Variants in SLC17A7 observed in about 807,000 individuals in gnomAD.
The protein encoded by SLC17A7 is vesicular glutamate transporter 1.
In SLC17A7, 15 loss-of-function variants were observed where a neutral mutation model predicts 59.1. The ratio of observed to expected loss-of-function variants is 0.25; its 90% CI spans 0.17 to 0.39. The LOEUF is 0.39. Among genes scored for constraint, SLC17A7 ranks in the 10% least tolerant of loss-of-function variants. SLC17A7 has a pLI of 1.00. For synonymous variants in SLC17A7, 353 were observed against 308.9 expected, an observed-to-expected ratio of 1.14 and a Z score of -1.50; for missense variants, 499 against 765.1, an observed-to-expected ratio of 0.65 and a Z score of 4.10.
At chr19:49,435,532 T>C in intron 2 of SLC17A7, 1 of 411,174 alleles carries the variant, frequency 2.4e-6, no homozygotes. Flanking sequence ...CGCCTTGCTT[T>C]GCCTGCTTCC....
Position 49,433,668 on chromosome 19 carries a change from T to C in SLC17A7, c.867+58A>G, listed in dbSNP as rs761532832. On this transcript the variant is annotated intron_variant, in intron 7 of 11. Transcript: ENST00000221485. This position sits in a 1 kb window ranked among gnomAD's most constrained non-coding sequence, Gnocchi z 5.7. Reference sequence around the variant, plus strand: ...GGAACCGTCCCTGATCTACACGCTGTGCAGGTTCGTGGCTTGCTATCTCTC... The same window carrying C: ...GGAACCGTCCCTGATCTACACGCTGCGCAGGTTCGTGGCTTGCTATCTCTC... 12 of 1,610,492 alleles carry C rather than the reference T, an allele frequency of 7.5e-6. No homozygotes were observed. The South Asian group carries it at 9.9e-5, about 13-fold the overall frequency.
chr19:49,440,707 GAC>G (rs1358524693), intron 1 of SLC17A7, among the ~76,000 whole-genome samples: 2 of 152,212 alleles, frequency 1.3e-5, no homozygotes, highest in Non-Finnish European at 2.9e-5. Flanking sequence ...AACGGAAAAA[GAC>G]ACAGAGAGAC....
Position 49,430,632 on chromosome 19 carries a change from T to C in SLC17A7, c.1570A>G (p.Met524Val). The change falls in exon 12 of 12, where the codon ATG becomes GTG. Residue 524 changes from methionine to valine, a missense_variant. By Grantham distance (21) the Met-to-Val change is conservative. This residue lies in a region of SLC17A7 where 98 missense variants were observed against 77.5 expected (regional missense o/e 1.27). Transcript: ENST00000221485. ...CCCGGGGGCTCAGCCTCATCCTCCATTTCGCTGTCGTCACTGCCAGCCAGC... is the reference window on the plus strand; with the variant it reads ...CCCGGGGGCTCAGCCTCATCCTCCACTTCGCTGTCGTCACTGCCAGCCAGC... The part of the protein sequence containing the change: ...DQLAGSDDSE[M>V]EDEAEPPGAP... 1.2e-6 allele frequency: 2 copies of C among 1,614,090 alleles called. No homozygotes were observed. Among genetic ancestry groups the C allele is most frequent in the East Asian group, 2.2e-5 (1 of 44,876 alleles).
In SLC17A7 at chr19:49,441,305, C is replaced by A; in HGVS notation, c.62+13G>T. ...TCCTCCCACTCTTCTCCCGGGACCC[C>A]CGCCAGGCTCACCGGTGCAGCTTCC... is the stretch of plus-strand genomic sequence containing the variant. On this transcript the variant is annotated intron_variant, in intron 1 of 11. Transcript: ENST00000221485. 2 of 1,608,922 alleles carry A rather than the reference C, an allele frequency of 1.2e-6. No homozygotes were observed.
In SLC17A7 at chr19:49,434,024, G is replaced by A. The variant is rs1158469796; in HGVS notation, c.660C>T (p.Val220=). The A allele has an allele frequency of 1.1e-5, 17 of 1,613,114 alleles. No homozygotes were observed. The highest frequency in any genetic ancestry group is 1.7e-4 in the Middle Eastern group (1 of 6,058). The change falls in exon 6 of 12, where the codon GTC becomes GTT. Residue 220 remains valine (V), a synonymous_variant. Transcript: ENST00000221485. ...CAAGGACCCCGGCGAGGGGCATCGC[G>A]ACCACCGCCCCAGCATAGGAACCTA... ...AFCGSYAGAV[V]AMPLAGVLVQ... is the part of the protein sequence containing the mutation.
Position 49,433,712 on chromosome 19 carries a change from A to C in SLC17A7, c.867+14T>G. The C allele has an allele frequency of 6.2e-7, 1 of 1,613,902 alleles. No homozygotes were observed. Among genetic ancestry groups the C allele is most frequent in the African/African-American group, 1.3e-5 (1 of 74,940 alleles). ...ATCTCTCCCCGCCCCTTCCCCGAAGATTTGGTCCCGGACCGTGAGGGGGTT... is the reference window on the plus strand; with the variant it reads ...ATCTCTCCCCGCCCCTTCCCCGAAGCTTTGGTCCCGGACCGTGAGGGGGTT... On this transcript the variant is annotated intron_variant, in intron 7 of 11. Coordinates refer to ENST00000221485, the MANE Select transcript of SLC17A7 (RefSeq NM_020309.4). The surrounding 1 kb of genome is among the most constrained non-coding windows in gnomAD (Gnocchi z 5.7).
chr19:49,441,068 G>C (rs1025413364), intron 1 of SLC17A7, among the ~76,000 whole-genome samples: 12 of 151,852 alleles, frequency 7.9e-5, no homozygotes, highest in African/African-American at 2.9e-4. Flanking sequence ...CCAGAGACCC[G>C]GGAGAGAGGC....
In SLC17A7 at chr19:49,436,774, C is replaced by T. The variant is rs1308427117; in HGVS notation, c.90G>A (p.Ala30=). The T allele has an allele frequency of 6.2e-7, 1 of 1,604,706 alleles. No individual in the cohort carries two copies. The highest frequency in any genetic ancestry group is 8.5e-7 in the Non-Finnish European group (1 of 1,179,762). Reference sequence around the variant, plus strand: ...CATCCGCACTCAGCTCCAGCGTCTCCGCGCCTTCCTGCCGCTTCTCCAGAA... The same window carrying T: ...CATCCGCACTCAGCTCCAGCGTCTCTGCGCCTTCCTGCCGCTTCTCCAGAA... The part of the protein sequence containing the change: ...HRLLEKRQEG[A]ETLELSADGR... Residue 30 remains alanine, a synonymous_variant, in exon 2 of 12, where the codon GCG becomes GCA. Coordinates refer to ENST00000221485, the MANE Select transcript of SLC17A7 (RefSeq NM_020309.4). The surrounding 1 kb of genome is among the most constrained non-coding windows in gnomAD (Gnocchi z 4.1).
Position 49,430,594 on chromosome 19 carries a change from T to C in SLC17A7, c.1608A>G (p.Ala536=), listed in dbSNP as rs1568633238. The change falls in exon 12 of 12, where the codon GCA becomes GCG. Residue 536 remains alanine, a synonymous_variant. Coordinates refer to ENST00000221485, the MANE Select transcript of SLC17A7 (RefSeq NM_020309.4). ...DEAEPPGAPP[A]PPPSYGATHS... is the part of the protein sequence containing the mutation. ...GTGTGGCCCCATAGGAGGGCGGGGGTGCAGGGGGTGCCCCCGGGGGCTCAG... is the reference window on the plus strand; with the variant it reads ...GTGTGGCCCCATAGGAGGGCGGGGGCGCAGGGGGTGCCCCCGGGGGCTCAG... 1.2e-6 allele frequency: 2 copies of C among 1,605,668 alleles called. No homozygotes were observed. Among genetic ancestry groups the C allele is most frequent in the African/African-American group, 1.4e-5 (1 of 73,764 alleles).
In SLC17A7 at chr19:49,429,412, A is replaced by G. The variant is rs2078949308; in HGVS notation, c.*1107T>C. 1.0e-5 allele frequency: 4 copies of G among 399,036 alleles called. No individual in the cohort carries two copies. Among genetic ancestry groups the G allele is most frequent in the Non-Finnish European group, 1.3e-5 (3 of 226,170 alleles). The allele number at this position is 399,036 out of a possible 1,614,324, so 24.7% of individuals were successfully genotyped here. A position where few individuals can be genotyped will look rare whatever the true frequency, so the allele number is the denominator to read the frequency against. On this transcript the variant is annotated 3_prime_UTR_variant, in exon 12 of 12. Coordinates refer to ENST00000221485, the MANE Select transcript of SLC17A7 (RefSeq NM_020309.4). ...CCAAGAACAACTGAGCCTATACACC[A>G]AAGCTTTTATTGGGAGTGGGGCAGG...
chr19:49,435,524 C>T (rs2078976819), intron 2 of SLC17A7: 1 of 418,534 alleles, frequency 2.4e-6, no homozygotes, highest in Non-Finnish European at 4.3e-6. Flanking sequence ...CACCTAGACG[C>T]CTTGCTTTGC....
chr19:49,435,726 G>C (rs1372213654), intron 2 of SLC17A7: 5 of 159,072 alleles, frequency 3.1e-5, no homozygotes, highest in Admixed American at 6.2e-5. Context: ...GCACAAATCA[G>C]GACTCTTTTC....
Position 49,436,972 on chromosome 19 carries a change from A to G in SLC17A7, c.63-171T>C, listed in dbSNP as rs1600988386. Reference sequence around the variant, plus strand: ...GCTCCCTTCGCCCCCCTGATCCAGAAATCCTCCATCTCCCTCAGACCGGGA... The same window carrying G: ...GCTCCCTTCGCCCCCCTGATCCAGAGATCCTCCATCTCCCTCAGACCGGGA... On this transcript the variant is annotated intron_variant, in intron 1 of 11. Transcript: ENST00000221485. The surrounding 1 kb of genome is among the most constrained non-coding windows in gnomAD (Gnocchi z 4.1). The G allele has an allele frequency of 3.3e-6, 3 of 908,544 alleles. No homozygotes were observed. In the East Asian group the frequency reaches 8.2e-5, roughly 25 times the overall value. 56.3% of individuals were successfully genotyped at this position (908,544 alleles called of 1,614,324 possible). A position where few individuals can be genotyped will look rare whatever the true frequency, so the allele number is the denominator to read the frequency against.
rs754996722 is a variant in SLC17A7 at position 49,430,600 on chromosome 19, G to A, written c.1602C>T (p.Pro534=). 7.4e-6 allele frequency: 12 copies of A among 1,613,168 alleles called. No homozygotes were observed. In the South Asian group the frequency reaches 8.8e-5, roughly 12 times the overall value. The change falls in exon 12 of 12, where the codon CCC becomes CCT. Residue 534 remains proline, a synonymous_variant. Coordinates refer to ENST00000221485, the MANE Select transcript of SLC17A7 (RefSeq NM_020309.4). ...MEDEAEPPGA[P]PAPPPSYGAT... is the part of the protein sequence containing the mutation. ...CCCCATAGGAGGGCGGGGGTGCAGG[G>A]GGTGCCCCCGGGGGCTCAGCCTCAT... is the stretch of plus-strand genomic sequence containing the variant.
rs2078999257 is a variant in SLC17A7, at chr19:49,441,387, G to T, written c.-8C>A. 3 of 1,549,334 alleles carry T rather than the reference G, an allele frequency of 1.9e-6. No individual in the cohort carries two copies. Among genetic ancestry groups the T allele is most frequent in the Non-Finnish European group, 2.6e-6 (3 of 1,154,472 alleles). On this transcript the variant is annotated 5_prime_UTR_variant, in exon 1 of 12. Transcript: ENST00000221485. ...CTCCTGGCGGAACTCCATGGTGGCG[G>T]CTCCTGCCGCCGGTCACCCCGCGGG...
intron 1 of SLC17A7, among the ~76,000 whole-genome samples, chr19:49,440,101 C>T (rs1417334304): frequency 6.6e-6 from 1 of 152,216 alleles, no homozygotes; most frequent in Non-Finnish European, 1.5e-5. Context: ...CTCCTGCCCA[C>T]CTCCCCCCAC....
intron 2 of SLC17A7, 30 bp from the exon 3 acceptor site, chr19:49,435,316 C>T (rs1472999586): frequency 2.6e-6 from 4 of 1,539,868 alleles, no homozygotes; most frequent in Admixed American, 3.3e-5. Context: ...TTAAATCAGC[C>T]GCCCTGTCCA....
At chr19:49,439,913 C>T (rs1229625268) in intron 1 of SLC17A7, among the ~76,000 whole-genome samples, 5 of 152,120 alleles carry the variant, frequency 3.3e-5, no homozygotes, top group Admixed American at 3.3e-4. Flanking sequence ...CCCCCAGCCC[C>T]CTCCACCAGC....
chr19:49,439,168 T>C (rs996323761), intron 1 of SLC17A7, among the ~76,000 whole-genome samples: 1 of 152,154 alleles, frequency 6.6e-6, no homozygotes, highest in African/African-American at 2.4e-5. Context: ...TCAACTTCTC[T>C]GTCTCTCCCT....
Sources: allele counts gnomAD v4.1 joint callset (sites outside exome capture counted in the v4.1 genomes callset), GRCh38; gene constraint gnomAD v4.1.1; regional missense constraint gnomAD v4.1.1; non-coding constraint Gnocchi (gnomAD v3.1); transcripts MANE v1.5; gene names NCBI Gene and HGNC (gene_info 2026-07-23, HGNC 2026-07-21).